The following HSF5 variants were observed in gnomAD, a reference collection of about 807,000 sequenced individuals.
HSF5 encodes the protein heat shock factor protein 5.
HSF5 carries 5 observed loss-of-function variants against 50.8 expected under a neutral mutation model. The observed-to-expected ratio is 0.10, with a 90% confidence interval of 0.05 to 0.21. HSF5 has a LOEUF of 0.21. Ranked by LOEUF, HSF5 falls within the 10% of genes least tolerant of loss-of-function variation. The pLI is 1.00. For synonymous variants in HSF5, 307 were observed against 307.4 expected, an observed-to-expected ratio of 1.00 and a Z score of 0.02; for missense variants, 564 against 762.6, an observed-to-expected ratio of 0.74 and a Z score of 3.07.
intron 5 of HSF5, among the ~76,000 whole-genome samples, chr17:58,443,133 T>C (rs1974519440): frequency 1.3e-5 from 2 of 152,222 alleles, no homozygotes; most frequent in South Asian, 4.2e-4. Context: ...GGTCTCAACC[T>C]CCTGACCTCG....
At chr17:58,481,168 AAATC>A (rs757329753) in intron 1 of HSF5, among the ~76,000 whole-genome samples, 2 of 152,160 alleles carry the variant, frequency 1.3e-5, no homozygotes, top group African/African-American at 2.4e-5. Flanking sequence ...TTCATCCCTT[AAATC>A]AATCAATCAT....
chr17:58,424,958 TA>T (rs1425109922), intron 5 of HSF5, among the ~76,000 whole-genome samples: 5 of 152,088 alleles, frequency 3.3e-5, no homozygotes, highest in Non-Finnish European at 7.4e-5. Context: ...AATAGAATGG[TA>T]GGTGCCAAGG....
intron 5 of HSF5, among the ~76,000 whole-genome samples, chr17:58,436,871 G>A (rs1199340676): frequency 2.6e-5 from 4 of 152,082 alleles, no homozygotes; most frequent in African/African-American, 9.6e-5. Context: ...GCAGAGAAAC[G>A]AAGGTCTGGT....
intron 5 of HSF5, among the ~76,000 whole-genome samples, chr17:58,423,878 C>G (rs1313925503): frequency 1.3e-5 from 2 of 152,188 alleles, no homozygotes; most frequent in Non-Finnish European, 2.9e-5. Context: ...TCTCAACATA[C>G]AAAGACTTTT....
At chr17:58,440,619 A>G (rs895075952) in intron 5 of HSF5, among the ~76,000 whole-genome samples, 2 of 152,244 alleles carry the variant, frequency 1.3e-5, no homozygotes, top group African/African-American at 4.8e-5. Context: ...GAACCAACAC[A>G]AATGAGACAA....
chr17:58,443,478 G>C (rs919520787), intron 5 of HSF5, among the ~76,000 whole-genome samples: 1 of 152,052 alleles, frequency 6.6e-6, no homozygotes, highest in Non-Finnish European at 1.5e-5. Flanking sequence ...TATATGACCC[G>C]TTAATCAACT....
At chr17:58,467,076 T>G in intron 2 of HSF5, 97 bp from the exon 3 acceptor site, 1 of 741,850 alleles carries the variant, frequency 1.3e-6, no homozygotes, top group Non-Finnish European at 2.3e-6. Context: ...AAATCCAAAT[T>G]TGAAGAACTT....
intron 5 of HSF5, among the ~76,000 whole-genome samples, chr17:58,433,044 T>C (rs1232396930): frequency 6.6e-6 from 1 of 152,164 alleles, no homozygotes; most frequent in African/African-American, 2.4e-5. Flanking sequence ...GACAAGGTCT[T>C]GCTCTGTTGC....
At chr17:58,487,629 AGCGTGAGGACGT>A in intron 1 of HSF5, 84 bp downstream of exon 1, 1 of 1,322,112 alleles carries the variant, frequency 7.6e-7, no homozygotes, top group Non-Finnish European at 9.6e-7. Flanking sequence ...CGACGCCCAT[AGCGTGAGGACGT>A]GCGAAAATGC....
intron 1 of HSF5, 144 bp downstream of exon 1, chr17:58,487,581 C>G: frequency 1.6e-6 from 2 of 1,271,416 alleles, no homozygotes; most frequent in Non-Finnish European, 2.0e-6. Flanking sequence ...CCGCCAGTCT[C>G]GGGAAGCACA....
chr17:58,422,600 A>G (rs575548913), intron 5 of HSF5, among the ~76,000 whole-genome samples, 170 bp from the exon 6 acceptor site: 1 of 151,916 alleles, frequency 6.6e-6, no homozygotes, highest in Admixed American at 6.5e-5. Flanking sequence ...TCTAAAGCAC[A>G]CTGATGCAGC....
intron 4 of HSF5, among the ~76,000 whole-genome samples, chr17:58,461,752 C>A (rs750507049): frequency 6.6e-6 from 1 of 152,054 alleles, no homozygotes; most frequent in Non-Finnish European, 1.5e-5. Context: ...CGCCTGTAAT[C>A]CCAGTTACTT....
At chr17:58,481,895 G>A (rs1052149061) in intron 1 of HSF5, among the ~76,000 whole-genome samples, 2 of 152,216 alleles carry the variant, frequency 1.3e-5, no homozygotes, top group African/African-American at 4.8e-5. Context: ...AGCTACTCAG[G>A]AGGCTGAGGC....
intron 4 of HSF5, 55 bp downstream of exon 4, chr17:58,462,727 G>A: frequency 6.8e-7 from 1 of 1,468,260 alleles, no homozygotes; most frequent in Non-Finnish European, 9.2e-7. Flanking sequence ...ATAGTCTTTA[G>A]CAGAAGTACT....
At chr17:58,439,944 A>T (rs1974478258) in intron 5 of HSF5, among the ~76,000 whole-genome samples, 1 of 152,216 alleles carries the variant, frequency 6.6e-6, no homozygotes, top group Non-Finnish European at 1.5e-5. Context: ...TGGACTAAAG[A>T]AAAAATAGGA....
intron 1 of HSF5, among the ~76,000 whole-genome samples, chr17:58,483,092 C>T (rs1975122671): frequency 8.7e-6 from 1 of 115,430 alleles, no homozygotes; most frequent in Non-Finnish European, 1.7e-5. Flanking sequence ...TTACCCATTC[C>T]CTGATTTCTC....
At chr17:58,467,503 A>G (rs1485077232) in intron 2 of HSF5, among the ~76,000 whole-genome samples, 1 of 152,260 alleles carries the variant, frequency 6.6e-6, no homozygotes, top group Non-Finnish European at 1.5e-5. Context: ...ACAGAGCCAG[A>G]CTGCCTGGTT....
intron 5 of HSF5, among the ~76,000 whole-genome samples, chr17:58,450,022 CAAAAA>C (rs71143248): frequency 1.3e-5 from 1 of 76,544 alleles, no homozygotes; most frequent in Non-Finnish European, 2.5e-5. Context: ...GACTCCGTCT[CAAAAA>C]AAAAAAAAAA....
intron 5 of HSF5, among the ~76,000 whole-genome samples, chr17:58,425,006 A>G (rs936674677): frequency 4.6e-5 from 7 of 152,198 alleles, no homozygotes; most frequent in Admixed American, 6.5e-5. Context: ...CCGTTTGGGA[A>G]GATGAAAGGA....
Sources: gnomAD v4.1 joint callset for allele counts (sites outside exome capture counted in the v4.1 genomes callset) on GRCh38, gnomAD v4.1.1 for gene constraint, MANE v1.5 for transcripts, NCBI Gene and HGNC (gene_info 2026-07-23, HGNC 2026-07-21) for gene names.